Variants in RAI1 observed in about 807,000 individuals in gnomAD.
The protein encoded by RAI1 is retinoic acid-induced protein 1.
Under a neutral mutation model 123.8 loss-of-function variants are expected in RAI1, and 9 were observed. That is an observed-to-expected ratio of 0.07 (90% CI 0.04 to 0.13). The LOEUF (loss-of-function observed/expected upper bound fraction) is 0.13, where lower values mean the gene tolerates loss of function less well. Among genes scored for constraint, RAI1 ranks in the 10% least tolerant of loss-of-function variants. The pLI is 1.00. For synonymous variants in RAI1, 1,231 were observed against 1,127.3 expected (o/e 1.09, Z -1.84); for missense variants, 2,256 against 2,545.8 (o/e 0.89, Z 2.45).
At chr17:17,764,905 A>G (rs1000633513) in intron 2 of RAI1, among the ~76,000 whole-genome samples, 8 of 152,198 alleles carry the variant, frequency 5.3e-5, no homozygotes, top group Non-Finnish European at 8.8e-5. Context: ...TTCTTTTACT[A>G]TTTATGAGAC....
chr17:17,754,191 C>CTTTTTTTTTT lies in RAI1; in HGVS notation c.-17+30053_-17+30062dup, dbSNP rs1158475382. On this transcript the variant is annotated intron_variant, in intron 2 of 5. Transcript: ENST00000353383. ...TTTTATGCCATTCGCCTAACCCAAT[C>CTTTTTTTTTT]TTTTTTTTTTTTTTTTTTTTTTTTT... Among the ~76,000 whole-genome samples, 9 of 75,726 alleles carry CTTTTTTTTTT rather than the reference C, an allele frequency of 1.2e-4. 2 individuals carry two copies. Among genetic ancestry groups the CTTTTTTTTTT allele is most frequent in the African/African-American group, 2.9e-4 (5 of 17,360 alleles). The allele number at this position is 75,726 out of a possible 152,430, so 49.7% of individuals were successfully genotyped here.
In RAI1 at chr17:17,795,319, C is replaced by T. The variant is rs1283009072; in HGVS notation, c.2371C>T (p.Leu791=). 2 of 1,605,064 alleles carry T rather than the reference C, an allele frequency of 1.2e-6. No individual in the cohort carries two copies. ...GGACACCCATGAGGCTTCGGCCTGC[C>T]TGGGCTTCCAGGAGGAGGACCCCCC... ...KGDTHEASAC[L]GFQEEDPPGE... The change falls in exon 3 of 6, where the codon CTG becomes TTG. Residue 791 remains leucine, a synonymous_variant. Transcript: ENST00000353383. The surrounding 1 kb of genome is among the most constrained non-coding windows in gnomAD (Gnocchi z 5.9).
rs560528877 is a variant in RAI1, at chr17:17,754,528, G to A, written c.-17+30369G>A. Among the ~76,000 whole-genome samples the A allele has an allele frequency of 2.8e-4, 43 of 152,216 alleles. 1 individual carries two copies. Among genetic ancestry groups the A allele is most frequent in the East Asian group, 2.7e-3 (14 of 5,186 alleles). On this transcript the variant is annotated intron_variant, in intron 2 of 5. Transcript: ENST00000353383. ...TGGGATTATAGGCATGAGCCACTGC[G>A]CCCAGCCTCCCTAACCTGATCTTTA...
At chr17:17,764,888 C>A (rs2030859785) in intron 2 of RAI1, among the ~76,000 whole-genome samples, 2 of 152,398 alleles carry the variant, frequency 1.3e-5, no homozygotes, top group Non-Finnish European at 2.9e-5. Context: ...CCGCGCCTGG[C>A]CTCCTCTTCT....
In RAI1 at chr17:17,796,422, C is replaced by T; in HGVS notation, c.3474C>T (p.Ser1158=). 6.2e-7 allele frequency: 1 copy of T among 1,613,572 alleles called. No individual in the cohort carries two copies. The highest frequency in any genetic ancestry group is 8.5e-7 in the Non-Finnish European group (1 of 1,180,034). The change falls in exon 3 of 6, where the codon TCC becomes TCT. Residue 1158 remains serine (S), a synonymous_variant. Transcript: ENST00000353383. This position sits in a 1 kb window ranked among gnomAD's most constrained non-coding sequence, Gnocchi z 5.8. ...CCAAAACCCAGGAGATCTTCCACTC[C>T]AAGCGGCGGAGGCCCTCTGAGGGCC... is the stretch of plus-strand genomic sequence containing the variant. The part of the protein sequence containing the change: ...SRTKTQEIFH[S]KRRRPSEGRL...
At chr17:17,781,538 G>A (rs1378591785) in intron 2 of RAI1, among the ~76,000 whole-genome samples, 1 of 148,064 alleles carries the variant, frequency 6.8e-6, no homozygotes, top group Admixed American at 6.7e-5. Context: ...GGGGCGGAGG[G>A]TAGTCTGAGC....
In RAI1 at chr17:17,795,513, G is replaced by T. The variant is rs765521538; in HGVS notation, c.2565G>T (p.Leu855=). ...CCGCCGACTTCGGGGACCTCCCACT[G>T]CTGCCACCCACCAGCAGGAAGGAGG... ...CSTADFGDLP[L]LPPTSRKEDL... is the part of the protein sequence containing the mutation. Residue 855 remains leucine (L), a synonymous_variant, in exon 3 of 6, where the codon CTG becomes CTT. Transcript: ENST00000353383. This position sits in a 1 kb window ranked among gnomAD's most constrained non-coding sequence, Gnocchi z 5.9. The T allele has an allele frequency of 6.3e-7, 1 of 1,593,408 alleles. No homozygotes were observed. Among genetic ancestry groups the T allele is most frequent in the Non-Finnish European group, 8.5e-7 (1 of 1,170,070 alleles).
chr17:17,728,079 C>T (rs1246134030), intron 2 of RAI1, among the ~76,000 whole-genome samples: 1 of 151,906 alleles, frequency 6.6e-6, no homozygotes, highest in Non-Finnish European at 1.5e-5. Flanking sequence ...GTGTGTGTCC[C>T]CTCTGTGGTG....
At chr17:17,738,536 CG>C (rs1297145392) in intron 2 of RAI1, among the ~76,000 whole-genome samples, 1 of 152,116 alleles carries the variant, frequency 6.6e-6, no homozygotes, top group East Asian at 1.9e-4. Flanking sequence ...CGGGTGAAGG[CG>C]GGGGCAGAGG....
At chr17:17,782,016 G>C (rs1391499963) in intron 2 of RAI1, 2 of 152,322 alleles carry the variant, frequency 1.3e-5, no homozygotes, top group Non-Finnish European at 2.9e-5. Flanking sequence ...TCTGCGCGCG[G>C]GGTGGGAGGG....
rs117064317 is a variant in RAI1, at chr17:17,799,498, G to A, written c.5565+985G>A. Among the ~76,000 whole-genome samples the A allele has an allele frequency of 1.5e-4, 23 of 152,236 alleles. No individual in the cohort carries two copies. In the East Asian group the frequency reaches 2.7e-3, roughly 18 times the overall value. On this transcript the variant is annotated intron_variant, in intron 3 of 5. Transcript: ENST00000353383. The surrounding 1 kb of genome is among the most constrained non-coding windows in gnomAD (Gnocchi z 4.5). The stretch of plus-strand genomic sequence containing the variant: ...TGCTTCTGCCCCCACATTCAACCCC[G>A]ACTCCACTGCCTCATCCAGACTTCC...
At chr17:17,721,348 A>T (rs1915874328) in intron 1 of RAI1, among the ~76,000 whole-genome samples, 1 of 152,228 alleles carries the variant, frequency 6.6e-6, no homozygotes, top group Non-Finnish European at 1.5e-5. Context: ...TACGGAAGAT[A>T]CACCAAGGAA....
chr17:17,707,925 A>G (rs9897916), intron 1 of RAI1, among the ~76,000 whole-genome samples: 1,914 of 152,198 alleles, frequency 0.013, 45 homozygotes, highest in African/African-American at 0.044. Context: ...TGAGCTGGAG[A>G]CTGCAAGAGG....
At chr17:17,769,012 G>C (rs1392216685) in intron 2 of RAI1, among the ~76,000 whole-genome samples, 1 of 152,246 alleles carries the variant, frequency 6.6e-6, no homozygotes, top group Non-Finnish European at 1.5e-5. Flanking sequence ...GGAGGCCAGA[G>C]CAGCACTCAC....
intron 1 of RAI1, chr17:17,683,724 G>A (rs943968225): frequency 1.3e-5 from 2 of 152,218 alleles, no homozygotes; most frequent in African/African-American, 2.4e-5. Context: ...GGCCCCAGAA[G>A]CCAACTGTGG....
Position 17,780,074 on chromosome 17 carries a change from C to CTTTTTTTTTTTTTTT in RAI1, c.-16-12851_-16-12850insTTTTTTTTTTTTTTT, listed in dbSNP as rs1555563206. On this transcript the variant is annotated intron_variant, in intron 2 of 5. Coordinates refer to ENST00000353383, the MANE Select transcript of RAI1 (RefSeq NM_030665.4). ...ACAGGAGTGAGCCACTCCACCCAGG[C>CTTTTTTTTTTTTTTT]TTTTTTTTAAGACAAGAGTTTTACT... 2.6e-5 allele frequency among the ~76,000 whole-genome samples: 2 copies of CTTTTTTTTTTTTTTT among 76,916 alleles called. 1 individual carries two copies. Among genetic ancestry groups the CTTTTTTTTTTTTTTT allele is most frequent in the African/African-American group, 9.7e-5 (2 of 20,604 alleles). The allele number at this position is 76,916 out of a possible 152,430, so 50.5% of individuals were successfully genotyped here. A position where few individuals can be genotyped will look rare whatever the true frequency, so the allele number is the denominator to read the frequency against.
chr17:17,689,971 G>A (rs1290378585), intron 1 of RAI1, among the ~76,000 whole-genome samples: 2 of 152,138 alleles, frequency 1.3e-5, no homozygotes, highest in African/African-American at 2.4e-5. Flanking sequence ...CTTCTATAGT[G>A]ATCTAAAGCT....
intron 2 of RAI1, among the ~76,000 whole-genome samples, chr17:17,733,904 G>A (rs1248444977): frequency 6.6e-6 from 1 of 152,186 alleles, no homozygotes; most frequent in Non-Finnish European, 1.5e-5. Flanking sequence ...TGGGGGCTGG[G>A]AGACCCGGGG....
Position 17,803,830 on chromosome 17 carries a change from C to T in RAI1, c.5640C>T (p.Tyr1880=), listed in dbSNP as rs752700929. The change falls in exon 4 of 6, where the codon TAC becomes TAT. Residue 1880 remains tyrosine (Y), a synonymous_variant. Transcript: ENST00000353383. The part of the protein sequence containing the change: ...CHKGCLHTYH[Y]PCASDAGCIF... ...AAGGATGCCTCCACACCTACCACTA[C>T]CCGTGTGCCAGCGATGCAGGTACGA... 6.2e-7 allele frequency: 1 copy of T among 1,613,504 alleles called. No individual in the cohort carries two copies. Among genetic ancestry groups the T allele is most frequent in the East Asian group, 2.2e-5 (1 of 44,886 alleles).
Sources: allele counts gnomAD v4.1 joint callset (sites outside exome capture counted in the v4.1 genomes callset), GRCh38; gene constraint gnomAD v4.1.1; non-coding constraint Gnocchi (gnomAD v3.1); transcripts MANE v1.5; gene names NCBI Gene and HGNC (gene_info 2026-07-23, HGNC 2026-07-21).